The following RELN variants were observed in gnomAD, a reference collection of about 807,000 sequenced individuals.
RELN encodes the protein reelin.
RELN carries 108 observed loss-of-function variants against 427.6 expected under a neutral mutation model. The ratio of observed to expected loss-of-function variants is 0.25; its 90% CI spans 0.22 to 0.30. The LOEUF is 0.30. Among genes scored for constraint, RELN ranks in the 10% least tolerant of loss-of-function variants. The probability of loss-of-function intolerance (pLI) is 1.00; values close to 1 mark genes in which losing one functional copy is unlikely to be tolerated. For synonymous variants in RELN, 1,524 were observed against 1,513.4 expected, an observed-to-expected ratio of 1.01 and a Z score of -0.16; for missense variants, 3,715 against 4,302.8, an observed-to-expected ratio of 0.86 and a Z score of 3.82.
intron 2 of RELN, among the ~76,000 whole-genome samples, chr7:103,891,745 T>G (rs903165561): frequency 6.6e-6 from 1 of 152,208 alleles, no homozygotes; most frequent in Non-Finnish European, 1.5e-5. Flanking sequence ...TTATTCATTT[T>G]TTTCAATAAA....
chr7:103,508,601 GC>G (rs2117055255), intron 51 of RELN, among the ~76,000 whole-genome samples: 1 of 151,184 alleles, frequency 6.6e-6, no homozygotes, highest in South Asian at 2.1e-4. Context: ...AGACAAGGAT[GC>G]CCTCTCTTAG....
chr7:103,773,216 T>C (rs1274081843), intron 4 of RELN, among the ~76,000 whole-genome samples: 1 of 119,164 alleles, frequency 8.4e-6, no homozygotes, highest in East Asian at 2.3e-4. Flanking sequence ...TCTCTCTCTC[T>C]CCCTCCCTCC....
intron 3 of RELN, among the ~76,000 whole-genome samples, chr7:103,788,109 G>A (rs1275945412): frequency 6.6e-6 from 1 of 152,176 alleles, no homozygotes; most frequent in Admixed American, 6.5e-5. Flanking sequence ...CACAATAGAT[G>A]CAGAAAAGGG....
Position 103,989,020 on chromosome 7 carries a change from G to T in RELN, c.226+111C>A. 1.1e-6 allele frequency: 1 copy of T among 952,300 alleles called. No individual in the cohort carries two copies. Among genetic ancestry groups the T allele is most frequent in the Non-Finnish European group, 1.7e-6 (1 of 592,258 alleles). 59.0% of individuals were successfully genotyped at this position (952,300 alleles called of 1,614,324 possible). A position where few individuals can be genotyped will look rare whatever the true frequency, so the allele number is the denominator to read the frequency against. ...GGACCAAGCGCATCGCTGGGGCCAG[G>T]GTTGTCATGGTTCTTGTTTCCAAGG... On this transcript the variant is annotated intron_variant, in intron 1 of 64. Coordinates refer to ENST00000428762, the MANE Select transcript of RELN (RefSeq NM_005045.4). The surrounding 1 kb of genome is among the most constrained non-coding windows in gnomAD (Gnocchi z 4.9).
intron 2 of RELN, among the ~76,000 whole-genome samples, chr7:103,841,047 G>C (rs575602896): frequency 6.6e-6 from 1 of 152,232 alleles, no homozygotes; most frequent in East Asian, 1.9e-4. Flanking sequence ...CAGAGAAAGA[G>C]GCTATACTTT....
At chr7:103,755,749 G>GA (rs1296195388) in intron 4 of RELN, among the ~76,000 whole-genome samples, 1 of 1,222 alleles carries the variant, frequency 8.2e-4, no homozygotes, top group East Asian at 0.023. Context: ...TTGGGAAGCG[G>GA]ACTTGCAGTG....
chr7:103,735,082 C>T (rs1245777724), intron 6 of RELN, among the ~76,000 whole-genome samples: 1 of 151,662 alleles, frequency 6.6e-6, no homozygotes, highest in East Asian at 1.9e-4. Context: ...CTAACAAAAA[C>T]ATAAAAGAAT....
At position 103,793,577 on chromosome 7, in the gene RELN, A is replaced by G. The variant is rs559385477; in HGVS notation, c.474-16950T>C. 3.3e-5 allele frequency among the ~76,000 whole-genome samples: 5 copies of G among 152,302 alleles called. No homozygotes were observed. In the East Asian group the frequency reaches 7.7e-4, roughly 23 times the overall value. Reference sequence around the variant, plus strand: ...CCTGGTGATTATTACCAGCTCTGTCATTAGTAAATCCAATTTTAGAATAGT... The same window carrying G: ...CCTGGTGATTATTACCAGCTCTGTCGTTAGTAAATCCAATTTTAGAATAGT... On this transcript the variant is annotated intron_variant, in intron 3 of 64. Coordinates refer to ENST00000428762, the MANE Select transcript of RELN (RefSeq NM_005045.4).
At chr7:103,490,008 C>T (rs749139425) in intron 59 of RELN, 109 bp from the exon 60 acceptor site, 4 of 1,304,704 alleles carry the variant, frequency 3.1e-6, no homozygotes, top group Non-Finnish European at 4.3e-6. Flanking sequence ...AAGGGCTTCC[C>T]AAATGTCTTC....
chr7:103,854,081 A>G (rs1373629029), intron 2 of RELN, among the ~76,000 whole-genome samples: 1 of 152,206 alleles, frequency 6.6e-6, no homozygotes. Flanking sequence ...GTCACTCTGT[A>G]TCTCACAAAT....
At chr7:103,578,604 T>C (rs750063394) in intron 28 of RELN, among the ~76,000 whole-genome samples, 12 of 152,230 alleles carry the variant, frequency 7.9e-5, no homozygotes, top group Non-Finnish European at 1.2e-4. Flanking sequence ...GCTGCTACTC[T>C]GTTCTCTTCT....
chr7:103,602,392 T>C (rs751817205), intron 24 of RELN, among the ~76,000 whole-genome samples: 1 of 152,204 alleles, frequency 6.6e-6, no homozygotes, highest in Non-Finnish European at 1.5e-5. Flanking sequence ...GTATGTTTAC[T>C]GCGGCACTGT....
chr7:103,864,590 C>T (rs1471694244), intron 2 of RELN, among the ~76,000 whole-genome samples: 6 of 152,078 alleles, frequency 3.9e-5, no homozygotes. Context: ...ACGAAGTCCT[C>T]CAGGTCCATC....
intron 1 of RELN, among the ~76,000 whole-genome samples, chr7:103,977,083 G>A (rs1370406835): frequency 2.6e-5 from 4 of 151,878 alleles, no homozygotes; most frequent in Non-Finnish European, 5.9e-5. Context: ...GGCTGAGGTG[G>A]GTGGATCATT....
chr7:103,596,596 G>A lies in RELN; in HGVS notation c.3399C>T (p.Tyr1133=). 1 of 1,614,018 alleles carries A rather than the reference G, an allele frequency of 6.2e-7. No individual in the cohort carries two copies. The highest frequency in any genetic ancestry group is 8.5e-7 in the Non-Finnish European group (1 of 1,179,926). Reference sequence around the variant, plus strand: ...AAGCACTCTCTCCGCCTATCTGGATGTAGAACTGGACAAAGTCCACCCAAG... The same window carrying A: ...AAGCACTCTCTCCGCCTATCTGGATATAGAACTGGACAAAGTCCACCCAAG... ...DTSWVDFVQF[Y]IQIGGESASC... Residue 1133 remains tyrosine (Y), a synonymous_variant, in exon 25 of 65, where the codon TAC becomes TAT. Transcript: ENST00000428762.
intron 48 of RELN, 45 bp downstream of exon 48, chr7:103,521,977 A>T (rs368648864): frequency 1.9e-6 from 3 of 1,595,064 alleles, no homozygotes; most frequent in Non-Finnish European, 2.6e-6. Context: ...ATTTGGAAGG[A>T]ACTTAAGAAG....
intron 22 of RELN, among the ~76,000 whole-genome samples, chr7:103,606,060 A>C (rs1447242387): frequency 6.6e-6 from 1 of 152,212 alleles, no homozygotes; most frequent in Non-Finnish European, 1.5e-5. Context: ...CTACTATAAA[A>C]GTAGATGCAT....
intron 63 of RELN, 123 bp downstream of exon 63, chr7:103,482,750 C>G (rs1828287052): frequency 1.3e-6 from 2 of 1,553,970 alleles, no homozygotes; most frequent in South Asian, 2.4e-5. Context: ...GAGTGTAAGC[C>G]AAAGTGCTCC....
At chr7:103,591,734 G>A (rs1739473241) in intron 27 of RELN, among the ~76,000 whole-genome samples, 1 of 152,126 alleles carries the variant, frequency 6.6e-6, no homozygotes, top group South Asian at 2.1e-4. Context: ...ACACAGACAA[G>A]TGGTTGGAAC....
Sources: gnomAD v4.1 joint callset for allele counts (sites outside exome capture counted in the v4.1 genomes callset) on GRCh38, gnomAD v4.1.1 for gene constraint, Gnocchi (gnomAD v3.1) non-coding constraint, MANE v1.5 for transcripts, NCBI Gene and HGNC (gene_info 2026-07-23, HGNC 2026-07-21) for gene names.